The following CXCL13 variants were observed in gnomAD, a reference collection of about 807,000 sequenced individuals.
CXCL13 encodes the protein C-X-C motif chemokine ligand 13.
CXCL13 carries 7 observed loss-of-function variants against 12.2 expected under a neutral mutation model. The observed-to-expected ratio is 0.57, with a 90% CI of 0.33 to 1.07. The LOEUF (loss-of-function observed/expected upper bound fraction) is 1.07, where lower values mean the gene tolerates loss of function less well. Among genes scored for constraint, CXCL13 ranks in the 50% least tolerant of loss-of-function variants. The probability of loss-of-function intolerance (pLI) is 0.04; values close to 1 mark genes in which losing one functional copy is unlikely to be tolerated. For synonymous variants in CXCL13, 47 were observed against 42.4 expected (o/e 1.11, Z -0.42); for missense variants, 113 against 127.4 (o/e 0.89, Z 0.55).
chr4:77,609,539 C>G (rs181564231), intron 2 of CXCL13, among the ~76,000 whole-genome samples: 47 of 152,062 alleles, frequency 3.1e-4, no homozygotes, highest in Admixed American at 1.0e-3. Flanking sequence ...GGCTCCTGGC[C>G]TCAAGCAATC....
At chr4:77,557,605 A>G (rs1036258604) in intron 1 of CXCL13, among the ~76,000 whole-genome samples, 7 of 152,182 alleles carry the variant, frequency 4.6e-5, no homozygotes, top group African/African-American at 1.7e-4. Flanking sequence ...CCTTGCATTA[A>G]GATAATTGCC....
intron 1 of CXCL13, among the ~76,000 whole-genome samples, chr4:77,558,599 C>T (rs527587722): frequency 1.3e-4 from 20 of 152,296 alleles, no homozygotes; most frequent in Non-Finnish European, 2.2e-4. Context: ...GTGATCTGCC[C>T]GCCTTGGCCT....
intron 2 of CXCL13, among the ~76,000 whole-genome samples, chr4:77,608,168 T>G (rs909127455): frequency 6.6e-6 from 1 of 152,082 alleles, no homozygotes; most frequent in Non-Finnish European, 1.5e-5. Flanking sequence ...TGGCCAGGCG[T>G]GGTGGCTCAC....
At chr4:77,544,402 G>C (rs1201344959) in intron 1 of CXCL13, among the ~76,000 whole-genome samples, 1 of 152,100 alleles carries the variant, frequency 6.6e-6, no homozygotes, top group Non-Finnish European at 1.5e-5. Flanking sequence ...ATCCTCTCCA[G>C]CACCTGCTGT....
At chr4:77,551,713 A>C in intron 1 of CXCL13, among the ~76,000 whole-genome samples, 1 of 152,210 alleles carries the variant, frequency 6.6e-6, no homozygotes, top group East Asian at 1.9e-4. Context: ...CATTTCTCTC[A>C]GGAATGTCAA....
chr4:77,569,343 C>T (rs1210107825), intron 1 of CXCL13, among the ~76,000 whole-genome samples: 1 of 152,198 alleles, frequency 6.6e-6, no homozygotes, highest in Non-Finnish European at 1.5e-5. Context: ...TTGCAGATGA[C>T]ATGATCCTAT....
At chr4:77,567,563 G>C (rs1411560852) in intron 1 of CXCL13, among the ~76,000 whole-genome samples, 1 of 152,104 alleles carries the variant, frequency 6.6e-6, no homozygotes, top group Non-Finnish European at 1.5e-5. Flanking sequence ...TGGCAGGCTT[G>C]GTTTTACAAG....
intron 1 of CXCL13, among the ~76,000 whole-genome samples, chr4:77,563,119 C>A (rs754484940): frequency 6.6e-6 from 1 of 152,104 alleles, no homozygotes; most frequent in Admixed American, 6.5e-5. Context: ...AGACTAGAAA[C>A]CCACCAGAAG....
intron 1 of CXCL13, among the ~76,000 whole-genome samples, chr4:77,527,395 G>A (rs1304279173): frequency 6.6e-6 from 1 of 152,174 alleles, no homozygotes; most frequent in East Asian, 1.9e-4. Context: ...ATTTTGGGAG[G>A]CTGAGGCGGG....
intron 1 of CXCL13, among the ~76,000 whole-genome samples, chr4:77,552,112 G>T (rs1043600037): frequency 1.3e-5 from 2 of 152,066 alleles, no homozygotes; most frequent in African/African-American, 2.4e-5. Context: ...AGGGTCCTTC[G>T]CTGGAGAGGT....
At chr4:77,528,882 G>A (rs567939915) in intron 1 of CXCL13, among the ~76,000 whole-genome samples, 1 of 152,128 alleles carries the variant, frequency 6.6e-6, no homozygotes. Context: ...GTATTGCCTA[G>A]GTTTTCTTCT....
rs1802209 is a variant in CXCL13 at position 77,611,445 on chromosome 4, G to C, written c.*406G>C. ...GCATATATTAAAAGCAGGCTTCTAT[G>C]AAAGACTCAAAAAGCTGCCTGGGAG... is the stretch of plus-strand genomic sequence containing the variant. On this transcript the variant is annotated 3_prime_UTR_variant, in exon 4 of 4. Coordinates refer to ENST00000682537, the MANE Select transcript of CXCL13 (RefSeq NM_001371558.1). The C allele has an allele frequency of 0.039, 15,226 of 386,888 alleles. 1,625 individuals are homozygous for C. The highest frequency in any genetic ancestry group is 0.25 in the African/African-American group (12,094 of 48,394). 24.0% of individuals were successfully genotyped at this position (386,888 alleles called of 1,614,324 possible).
intron 1 of CXCL13, among the ~76,000 whole-genome samples, chr4:77,561,549 T>C (rs1194482479): frequency 2.0e-5 from 3 of 152,352 alleles, no homozygotes; most frequent in African/African-American, 7.2e-5. Context: ...TAATCAGTAG[T>C]GCTGATCTTG....
intron 1 of CXCL13, among the ~76,000 whole-genome samples, chr4:77,531,261 C>T (rs1430358174): frequency 1.4e-5 from 2 of 138,606 alleles, no homozygotes; most frequent in Non-Finnish European, 3.1e-5. Context: ...TCTCCTAATG[C>T]TATCCCTCCC....
chr4:77,550,836 G>C (rs1378402111), intron 1 of CXCL13, among the ~76,000 whole-genome samples: 3 of 152,150 alleles, frequency 2.0e-5, no homozygotes, highest in Non-Finnish European at 4.4e-5. Flanking sequence ...GTTAAGTCTT[G>C]TTGAATTGAA....
intron 1 of CXCL13, among the ~76,000 whole-genome samples, chr4:77,574,364 A>G (rs927963855): frequency 1.3e-5 from 2 of 151,880 alleles, no homozygotes; most frequent in African/African-American, 4.9e-5. Flanking sequence ...CAGTAATTGA[A>G]AGTGGACAGG....
chr4:77,597,448 T>A (rs1044663765), intron 1 of CXCL13, among the ~76,000 whole-genome samples: 2 of 152,202 alleles, frequency 1.3e-5, no homozygotes, highest in Admixed American at 6.5e-5. Flanking sequence ...GTTGGTTTTG[T>A]TGAACCTGGA....
At chr4:77,520,718 G>A (rs1724571007) in intron 1 of CXCL13, among the ~76,000 whole-genome samples, 1 of 152,062 alleles carries the variant, frequency 6.6e-6, no homozygotes, top group South Asian at 2.1e-4. Context: ...TCTTTCTCTT[G>A]CCTGATTGTC....
At chr4:77,513,636 T>G (rs1027736123) in intron 1 of CXCL13, among the ~76,000 whole-genome samples, 1 of 151,974 alleles carries the variant, frequency 6.6e-6, no homozygotes, top group Admixed American at 6.6e-5. Context: ...GTCTTTTTAG[T>G]AGAGTCGGGG....
Sources: gnomAD v4.1 joint callset for allele counts (sites outside exome capture counted in the v4.1 genomes callset) on GRCh38, gnomAD v4.1.1 for gene constraint, MANE v1.5 for transcripts, NCBI Gene and HGNC (gene_info 2026-07-23, HGNC 2026-07-21) for gene names.